The following AKT3 variants were observed in gnomAD, a reference collection of about 807,000 sequenced individuals.
The protein encoded by AKT3 is AKT serine/threonine kinase 3, also known as RAC-gamma serine/threonine-protein kinase.
Under a neutral mutation model 65.3 loss-of-function variants are expected in AKT3, and 15 were observed. That is an observed-to-expected ratio of 0.23 (90% confidence interval 0.15 to 0.35). The LOEUF is 0.35. Ranked by LOEUF, AKT3 falls within the 10% of genes least tolerant of loss-of-function variation. The pLI, the probability that AKT3 is intolerant of heterozygous loss-of-function variation, is 1.00. For synonymous variants in AKT3, 206 were observed against 183.8 expected, an observed-to-expected ratio of 1.12 and a Z score of -0.98; for missense variants, 243 against 576.5, an observed-to-expected ratio of 0.42 and a Z score of 5.92.
intron 2 of AKT3, chr1:243,702,721 G>A (rs1019658471): frequency 1.3e-5 from 2 of 152,128 alleles, no homozygotes; most frequent in African/African-American, 2.4e-5. Context: ...TATAAAACAT[G>A]TATTTTATGT....
intron 8 of AKT3, among the ~76,000 whole-genome samples, chr1:243,580,342 G>C (rs1384072565): frequency 1.3e-5 from 2 of 152,196 alleles, no homozygotes; most frequent in African/African-American, 2.4e-5. Flanking sequence ...AGAGCACTTT[G>C]TTTCTCCCAG....
chr1:243,505,113 AG>A lies in AKT3; in HGVS notation c.*135del. On this transcript the variant is annotated 3_prime_UTR_variant, in exon 14 of 14. Coordinates refer to ENST00000673466, the MANE Select transcript of AKT3 (RefSeq NM_005465.7). ...GTTTTCATGAGGGTGAAAGGTGGCG[AG>A]GGGTGAGGACCCTTGGCTGGTCTGG... 1 of 689,282 alleles carries A rather than the reference AG, an allele frequency of 1.5e-6. No homozygotes were observed. Among genetic ancestry groups the A allele is most frequent in the South Asian group, 1.9e-5 (1 of 53,334 alleles). 42.7% of individuals were successfully genotyped at this position (689,282 alleles called of 1,614,324 possible). A position where few individuals can be genotyped will look rare whatever the true frequency, so the allele number is the denominator to read the frequency against.
At chr1:243,825,199 C>A (rs1694094292) in intron 2 of AKT3, among the ~76,000 whole-genome samples, 1 of 152,112 alleles carries the variant, frequency 6.6e-6, no homozygotes, top group African/African-American at 2.4e-5. Flanking sequence ...GGGAGCTGAA[C>A]AATGAGAACA....
At position 243,813,355 on chromosome 1, in the gene AKT3, C is replaced by CA. The variant is rs1178822689; in HGVS notation, c.46+29769dup. On this transcript the variant is annotated intron_variant, in intron 2 of 13. Coordinates refer to ENST00000673466, the MANE Select transcript of AKT3 (RefSeq NM_005465.7). Reference sequence around the variant, plus strand: ...CACAAAACAAGTGATATAAAACCCTCAAAAAAATTAGAATCAAAATTGGGT... The same window carrying CA: ...CACAAAACAAGTGATATAAAACCCTCAAAAAAAATTAGAATCAAAATTGGGT... Among the ~76,000 whole-genome samples, 4 of 151,632 alleles carry CA rather than the reference C, an allele frequency of 2.6e-5. No individual in the cohort carries two copies. The East Asian group carries it at 5.8e-4, about 22-fold the overall frequency.
chr1:243,723,472 G>C (rs1475389304), intron 2 of AKT3, among the ~76,000 whole-genome samples: 1 of 152,146 alleles, frequency 6.6e-6, no homozygotes, highest in Non-Finnish European at 1.5e-5. Flanking sequence ...AGAAATTATA[G>C]ATAATTCACT....
intron 12 of AKT3, among the ~76,000 whole-genome samples, chr1:243,535,867 G>A (rs975808941): frequency 1.3e-5 from 2 of 151,914 alleles, no homozygotes; most frequent in Admixed American, 6.6e-5. Flanking sequence ...CCTTTTTACC[G>A]CATCTACATT....
intron 2 of AKT3, among the ~76,000 whole-genome samples, chr1:243,717,001 C>G (rs543584215): frequency 6.6e-6 from 1 of 152,162 alleles, no homozygotes; most frequent in African/African-American, 2.4e-5. Flanking sequence ...GGGATTGTGT[C>G]AAGTCTGGCT....
chr1:243,551,934 A>G (rs1673094668), intron 11 of AKT3, among the ~76,000 whole-genome samples: 1 of 152,186 alleles, frequency 6.6e-6, no homozygotes, highest in Admixed American at 6.6e-5. Context: ...AAGTGTGTAC[A>G]ATTATTTTTT....
At chr1:243,534,722 T>C (rs774731311) in intron 12 of AKT3, among the ~76,000 whole-genome samples, 4 of 152,140 alleles carry the variant, frequency 2.6e-5, no homozygotes, top group Non-Finnish European at 4.4e-5. Context: ...AAAATACCTG[T>C]AGACTAAACA....
At chr1:243,511,726 T>C (rs1156482299) in intron 13 of AKT3, among the ~76,000 whole-genome samples, 1 of 152,256 alleles carries the variant, frequency 6.6e-6, no homozygotes, top group Admixed American at 6.5e-5. Flanking sequence ...CACTTATTTA[T>C]GGTATTTCTC....
At chr1:243,513,341 A>T (rs1670140852) in intron 12 of AKT3, among the ~76,000 whole-genome samples, 1 of 152,176 alleles carries the variant, frequency 6.6e-6, no homozygotes, top group Non-Finnish European at 1.5e-5. Context: ...TGCTCTGCAG[A>T]GTATCATTCA....
At chr1:243,578,609 T>C (rs1054695073) in intron 8 of AKT3, among the ~76,000 whole-genome samples, 1 of 152,132 alleles carries the variant, frequency 6.6e-6, no homozygotes, top group East Asian at 1.9e-4. Flanking sequence ...GATGGGTTGA[T>C]AGGTGCAGCA....
intron 4 of AKT3, among the ~76,000 whole-genome samples, chr1:243,649,162 A>G (rs1681073425): frequency 6.6e-6 from 1 of 152,112 alleles, no homozygotes; most frequent in South Asian, 2.1e-4. Flanking sequence ...TGATTATAAA[A>G]AATTATGTTA....
chr1:243,834,206 T>C (rs554081390), intron 2 of AKT3, among the ~76,000 whole-genome samples: 2 of 152,186 alleles, frequency 1.3e-5, no homozygotes, highest in South Asian at 2.1e-4. Context: ...TAAAGACACA[T>C]GTACACATAT....
chr1:243,660,604 A>G (rs995585407), intron 4 of AKT3, among the ~76,000 whole-genome samples: 9 of 152,248 alleles, frequency 5.9e-5, no homozygotes, highest in African/African-American at 2.2e-4. Flanking sequence ...AGCCAATATC[A>G]TACTGAATGG....
rs115777688 is a variant in AKT3, at chr1:243,727,439, G to A, written c.47-31723C>T. On this transcript the variant is annotated intron_variant, in intron 2 of 13. Transcript: ENST00000673466. ...GGACTTCAGGCATGCACTACCATGC[G>A]TGGCTAATTTTGTTCACTTTTTGTG... is the stretch of plus-strand genomic sequence containing the variant. Among the ~76,000 whole-genome samples, 781 of 152,008 alleles carry A rather than the reference G, an allele frequency of 5.1e-3. 9 individuals carry two copies. The highest frequency in any genetic ancestry group is 0.018 in the African/African-American group (740 of 41,468).
chr1:243,748,862 TA>T (rs1333428598), intron 2 of AKT3, among the ~76,000 whole-genome samples: 1 of 152,170 alleles, frequency 6.6e-6, no homozygotes, highest in Non-Finnish European at 1.5e-5. Flanking sequence ...AGGTTAGCCT[TA>T]CCATACGAAT....
chr1:243,638,354 A>C (rs910061962), intron 5 of AKT3, among the ~76,000 whole-genome samples: 2 of 152,176 alleles, frequency 1.3e-5, no homozygotes, highest in South Asian at 2.1e-4. Flanking sequence ...ATCTTTAATT[A>C]ATGTGCCTGT....
intron 1 of AKT3, among the ~76,000 whole-genome samples, chr1:243,849,386 A>AACCCCCCCC (rs1695655077): frequency 2.8e-5 from 3 of 107,020 alleles, no homozygotes; most frequent in Non-Finnish European, 5.4e-5. Flanking sequence ...CCACACACAC[A>AACCCCCCCC]CCCCCCCCCC....
Sources: gnomAD v4.1 joint callset for allele counts (sites outside exome capture counted in the v4.1 genomes callset) on GRCh38, gnomAD v4.1.1 for gene constraint, MANE v1.5 for transcripts, NCBI Gene and HGNC (gene_info 2026-07-23, HGNC 2026-07-21) for gene names.